The following NCAPD3 variants were observed in gnomAD, a reference collection of about 807,000 sequenced individuals.
The protein encoded by NCAPD3 is condensin-2 complex subunit D3.
A neutral mutation model predicts 182.9 loss-of-function variants in NCAPD3; 105 were observed. The ratio of observed to expected loss-of-function variants is 0.57; its 90% CI spans 0.49 to 0.68. NCAPD3 has a LOEUF of 0.68. NCAPD3 is among the 30% of genes least tolerant of loss of function. NCAPD3 has a pLI of 0.00. For synonymous variants in NCAPD3, 815 were observed against 679.9 expected, an observed-to-expected ratio of 1.20 and a Z score of -3.09; for missense variants, 1,944 against 1,837.0, an observed-to-expected ratio of 1.06 and a Z score of -1.07.
intron 32 of NCAPD3, among the ~76,000 whole-genome samples, chr11:134,155,160 G>C (rs1240855287): frequency 6.6e-6 from 1 of 152,172 alleles, no homozygotes; most frequent in Non-Finnish European, 1.5e-5. Context: ...CAGATTTTCA[G>C]TTAAAATCCT....
chr11:134,192,132 AAG>A (rs1361321320), intron 16 of NCAPD3, among the ~76,000 whole-genome samples: 2 of 152,224 alleles, frequency 1.3e-5, no homozygotes, highest in African/African-American at 4.8e-5. Flanking sequence ...GGCTCAGAGA[AAG>A]TGATTTTTGC....
At position 134,153,325 on chromosome 11, in the gene NCAPD3, A is replaced by G. The variant is rs755567163; in HGVS notation, c.4291T>C (p.Tyr1431His). 2 of 1,614,186 alleles carry G rather than the reference A, an allele frequency of 1.2e-6. No homozygotes were observed. Among genetic ancestry groups the G allele is most frequent in the Admixed American group, 3.3e-5 (2 of 60,024 alleles). The change falls in exon 33 of 35, where the codon TAC becomes CAC. Residue 1431 changes from tyrosine (Y) to histidine (H), a missense_variant. Physicochemically the swap from Tyr to His is moderately conservative, Grantham distance 83. Around this residue, in one of 3 missense-constraint regions of NCAPD3, gnomAD observed 1,803 missense variants for 1,674.6 expected, o/e 1.08. Transcript: ENST00000534548. ...SDVTFGAGVS[Y>H]IGTPRTPSSA... ...GACGGAGTCCGTGGTGTCCCGATGT[A>G]ACTGACCCCTGCTCCAAACGTGACA...
rs149144798 is a variant in NCAPD3 at position 134,186,861 on chromosome 11, T to C, written c.2046-1335A>G. ...TTGATTAAAAATCCATCCACAGATG[T>C]CAAGTCTTACTACAGTTAGCTTACA... On this transcript the variant is annotated intron_variant, in intron 16 of 34. Transcript: ENST00000534548. 2.0e-3 allele frequency among the ~76,000 whole-genome samples: 311 copies of C among 152,338 alleles called. 1 individual carries two copies. The highest frequency in any genetic ancestry group is 7.2e-3 in the African/African-American group (298 of 41,578).
At chr11:134,167,253 A>G in intron 27 of NCAPD3, among the ~76,000 whole-genome samples, 1 of 123,888 alleles carries the variant, frequency 8.1e-6, no homozygotes, top group Non-Finnish European at 1.6e-5. Flanking sequence ...CACTCGTGAG[A>G]TGAGCTTAGG....
chr11:134,221,381 C>CT (rs569643270), intron 1 of NCAPD3, among the ~76,000 whole-genome samples: 111 of 147,764 alleles, frequency 7.5e-4, no homozygotes, highest in Non-Finnish European at 1.4e-3. Context: ...TTTGGATAAA[C>CT]TTTTTTTTTT....
chr11:134,193,362 C>A (rs1944562070), intron 15 of NCAPD3, among the ~76,000 whole-genome samples: 1 of 152,146 alleles, frequency 6.6e-6, no homozygotes, highest in African/African-American at 2.4e-5. Flanking sequence ...GCTTTTTTGG[C>A]AATATCATCT....
chr11:134,212,421 T>C (rs917739699), intron 3 of NCAPD3, among the ~76,000 whole-genome samples: 1 of 128,308 alleles, frequency 7.8e-6, no homozygotes, highest in African/African-American at 3.2e-5. Context: ...TCCACTGGAG[T>C]CTGGATCTGT....
chr11:134,169,086 C>A, intron 24 of NCAPD3, 32 bp from the exon 25 acceptor site: 2 of 1,603,204 alleles, frequency 1.2e-6, no homozygotes, highest in African/African-American at 2.7e-5. Flanking sequence ...AGAGGGAGAC[C>A]CATTTGCTAT....
intron 22 of NCAPD3, 140 bp downstream of exon 22, chr11:134,178,494 G>GCCACCTCTAGGAA: frequency 1.6e-6 from 1 of 610,176 alleles, no homozygotes; most frequent in East Asian, 2.7e-5. Context: ...TCAGATCAGA[G>GCCACCTCTAGGAA]CCACCTCTAG....
rs1368493021 is a variant in NCAPD3 at position 134,220,556 on chromosome 11, G to T, written c.219+16C>A. The T allele has an allele frequency of 1.2e-6, 2 of 1,601,672 alleles. No individual in the cohort carries two copies. Among genetic ancestry groups the T allele is most frequent in the African/African-American group, 2.7e-5 (2 of 74,408 alleles). The stretch of plus-strand genomic sequence containing the variant: ...TCTAACACCAAACTTTGGCTAGTTT[G>T]TTTTTATATTTTTACCTCCATAGAT... On this transcript the variant is annotated intron_variant, in intron 2 of 34. Transcript: ENST00000534548.
chr11:134,180,440 T>C (rs550648408), intron 20 of NCAPD3, among the ~76,000 whole-genome samples: 65 of 149,418 alleles, frequency 4.4e-4, no homozygotes, highest in African/African-American at 1.5e-3. Flanking sequence ...CAAAGTCAGA[T>C]GTTGGAACCA....
Position 134,158,073 on chromosome 11 carries a change from G to A in NCAPD3, c.4035-6C>T, listed in dbSNP as rs779149353. ...TGGTGCTCAGGGACATGGGCCTGTG[G>A]AGAACAGCCACAGCCGCTGACTTTC... On this transcript the variant is annotated splice_region_variant and splice_polypyrimidine_tract_variant and intron_variant, in intron 30 of 34. Transcript: ENST00000534548. 3.7e-6 allele frequency: 6 copies of A among 1,612,664 alleles called. No homozygotes were observed. The highest frequency in any genetic ancestry group is 1.3e-5 in the African/African-American group (1 of 74,896).
intron 29 of NCAPD3, among the ~76,000 whole-genome samples, chr11:134,158,794 C>A (rs1029631877): frequency 2.0e-5 from 3 of 152,162 alleles, no homozygotes; most frequent in African/African-American, 4.8e-5. Context: ...TATTTTGGTA[C>A]CCATTAACCA....
intron 3 of NCAPD3, among the ~76,000 whole-genome samples, chr11:134,211,388 C>G (rs1422883419): frequency 6.6e-6 from 1 of 152,156 alleles, no homozygotes; most frequent in Non-Finnish European, 1.5e-5. Flanking sequence ...TGGCTCATGC[C>G]TGTAATTCCA....
intron 2 of NCAPD3, among the ~76,000 whole-genome samples, chr11:134,220,024 G>T (rs1187475632): frequency 6.6e-6 from 1 of 152,118 alleles, no homozygotes; most frequent in Non-Finnish European, 1.5e-5. Flanking sequence ...TTGAACTCCT[G>T]ACTTCGTGAT....
chr11:134,205,148 T>TAGTTC (rs1264815715), intron 8 of NCAPD3, among the ~76,000 whole-genome samples, 177 bp from the exon 9 acceptor site: 1 of 152,230 alleles, frequency 6.6e-6, no homozygotes, highest in Non-Finnish European at 1.5e-5. Context: ...AACTGTGAAG[T>TAGTTC]AGTTCCCGTG....
chr11:134,163,341 C>A (rs1943645554), intron 27 of NCAPD3, among the ~76,000 whole-genome samples: 2 of 152,152 alleles, frequency 1.3e-5, no homozygotes, highest in South Asian at 4.1e-4. Flanking sequence ...CTTCCTGCCA[C>A]CCCTCACAGT....
chr11:134,178,780 A>G lies in NCAPD3; in HGVS notation c.2675-39T>C, dbSNP rs542451733. On this transcript the variant is annotated intron_variant, in intron 21 of 34. Transcript: ENST00000534548. The stretch of plus-strand genomic sequence containing the variant: ...AGAGAAAGTTACCGACAGAACCTTG[A>G]AACGGCATGCGTGCTACAGAGTATG... The G allele has an allele frequency of 1.3e-5, 21 of 1,608,954 alleles. 1 individual carries two copies. In the South Asian group the frequency reaches 2.2e-4, roughly 17 times the overall value.
In NCAPD3 at chr11:134,153,315, G is replaced by A. The variant is rs750457578; in HGVS notation, c.4301C>T (p.Thr1434Ile). 4.5e-5 allele frequency: 73 copies of A among 1,614,060 alleles called. 1 individual carries two copies. The East Asian group carries it at 1.5e-3, about 34-fold the overall frequency. The change falls in exon 33 of 35, where the codon ACA (threonine) becomes ATA (isoleucine). Residue 1434 changes from threonine (T) to isoleucine (I), a missense_variant. Coordinates refer to ENST00000534548, the MANE Select transcript of NCAPD3 (RefSeq NM_015261.3). The stretch of plus-strand genomic sequence containing the variant: ...TTTGGCTGACGACGGAGTCCGTGGT[G>A]TCCCGATGTAACTGACCCCTGCTCC... The part of the protein sequence containing the change: ...TFGAGVSYIG[T>I]PRTPSSAKEK...
Sources: gnomAD v4.1 joint callset for allele counts (sites outside exome capture counted in the v4.1 genomes callset) on GRCh38, gnomAD v4.1.1 for gene constraint, gnomAD v4.1.1 regional missense constraint, MANE v1.5 for transcripts, NCBI Gene and HGNC (gene_info 2026-07-23, HGNC 2026-07-21) for gene names.